Variants in ZC3H3 observed in about 807,000 individuals in gnomAD.
ZC3H3 encodes the protein zinc finger CCCH domain-containing protein 3.
A neutral mutation model predicts 77.3 loss-of-function variants in ZC3H3; 36 were observed. The ratio of observed to expected loss-of-function variants is 0.47; its 90% CI spans 0.36 to 0.61. The LOEUF is 0.61. Ranked by LOEUF, ZC3H3 falls within the 20% of genes least tolerant of loss-of-function variation. The probability of loss-of-function intolerance (pLI) is 0.00; values close to 1 mark genes in which losing one functional copy is unlikely to be tolerated. For missense variants in ZC3H3, 1,331 were observed against 1,312.2 expected, an observed-to-expected ratio of 1.01 and a Z score of -0.22; for synonymous variants, 626 against 555.2, an observed-to-expected ratio of 1.13 and a Z score of -1.79.
chr8:143,537,958 C>A (rs773536537), intron 2 of ZC3H3, 45 bp downstream of exon 2: 31 of 1,524,306 alleles, frequency 2.0e-5, no homozygotes, highest in Non-Finnish European at 2.7e-5. Context: ...AACAAACCCT[C>A]CTCACAGCCC....
chr8:143,528,764 C>T (rs968326796), intron 3 of ZC3H3, among the ~76,000 whole-genome samples: 2 of 152,230 alleles, frequency 1.3e-5, no homozygotes, highest in African/African-American at 4.8e-5. Flanking sequence ...CCCACCTTCC[C>T]GCCCATGGCC....
Position 143,536,285 on chromosome 8 carries a change from C to A in ZC3H3, c.1533G>T (p.Pro511=). 6.2e-7 allele frequency: 1 copy of A among 1,611,730 alleles called. No individual in the cohort carries two copies. The change falls in exon 3 of 12, where the codon CCG becomes CCT. Residue 511 remains proline (P), a synonymous_variant. Transcript: ENST00000262577. ...VTTHRLCRLP[P]SRAHLPTKEA... ...CCTTGGTGGGGAGGTGGGCCCGGCT[C>A]GGTGGCAGGCGACATAGTCGGTGCG...
intron 4 of ZC3H3, among the ~76,000 whole-genome samples, chr8:143,503,690 C>T (rs1445556437): frequency 2.7e-5 from 4 of 146,206 alleles, no homozygotes; most frequent in African/African-American, 1.0e-4. Context: ...TCTCCACCAC[C>T]ACCTCCCCCA....
chr8:143,440,325 G>A lies in ZC3H3; in HGVS notation c.2531C>T (p.Pro844Leu). ...SASQRPTRQTPSSAALTAAAV... is the reference protein window; with the variant it reads ...SASQRPTRQTLSSAALTAAAV... The stretch of plus-strand genomic sequence containing the variant: ...AGCCGCAGTGAGGGCAGCCGAGCTG[G>A]GCGTCTGCCTGGTGGGGCGCTGGGA... The change falls in exon 11 of 12, where the codon CCC becomes CTC. Residue 844 changes from proline (P) to leucine (L), a missense_variant. Pro to Leu is a moderately conservative substitution (Grantham distance 98). This residue lies in a region of ZC3H3 where 249 missense variants were observed against 236.9 expected (regional missense o/e 1.05). Transcript: ENST00000262577. The A allele has an allele frequency of 6.5e-7, 1 of 1,546,802 alleles. No homozygotes were observed. The highest frequency in any genetic ancestry group is 8.7e-7 in the Non-Finnish European group (1 of 1,143,652).
chr8:143,442,767 C>T (rs1374379453), intron 9 of ZC3H3, among the ~76,000 whole-genome samples: 2 of 152,186 alleles, frequency 1.3e-5, no homozygotes, highest in East Asian at 1.9e-4. Flanking sequence ...ATGTAAAATG[C>T]ACATTTCTTT....
intron 9 of ZC3H3, among the ~76,000 whole-genome samples, chr8:143,454,546 C>CA (rs1000819997): frequency 1.3e-5 from 2 of 151,940 alleles, no homozygotes; most frequent in Admixed American, 1.3e-4. Flanking sequence ...GCTGGGACTA[C>CA]AGGCGCCTGC....
Position 143,538,176 on chromosome 8 carries a change from C to T in ZC3H3, c.1191G>A (p.Glu397=), listed in dbSNP as rs764956868. The change falls in exon 2 of 12, where the codon GAG becomes GAA. Residue 397 remains glutamate (E), a synonymous_variant. Coordinates refer to ENST00000262577, the MANE Select transcript of ZC3H3 (RefSeq NM_015117.3). ...GGGAGGCATGGTCCTTGCTGCTGGCCTCCGACTGCCAACGGAAGGAGGAAG... is the reference window on the plus strand; with the variant it reads ...GGGAGGCATGGTCCTTGCTGCTGGCTTCCGACTGCCAACGGAAGGAGGAAG... ...SSSSSFRWQS[E]ASSKDHASQL... The T allele has an allele frequency of 2.5e-6, 4 of 1,612,916 alleles. No individual in the cohort carries two copies. The African/African-American group carries it at 5.3e-5, about 22-fold the overall frequency.
At chr8:143,532,663 A>G (rs1274213239) in intron 3 of ZC3H3, among the ~76,000 whole-genome samples, 1 of 152,236 alleles carries the variant, frequency 6.6e-6, no homozygotes, top group East Asian at 1.9e-4. Context: ...TGCAGCGTTC[A>G]ACGAAACAAA....
Position 143,537,779 on chromosome 8 carries a change from C to T in ZC3H3, c.1364+224G>A, listed in dbSNP as rs572659168. 1.7e-3 allele frequency among the ~76,000 whole-genome samples: 265 copies of T among 152,342 alleles called. 1 individual carries two copies. Among genetic ancestry groups the T allele is most frequent in the African/African-American group, 6.0e-3 (250 of 41,572 alleles). ...CCGGCAGGAGAAAGGATGGGCTTGC[C>T]AGCAGTGTGAGGGACGGGAAACCTG... On this transcript the variant is annotated intron_variant, in intron 2 of 11. Transcript: ENST00000262577.
At chr8:143,508,001 G>A (rs1024660227) in intron 3 of ZC3H3, 102 bp from the exon 4 acceptor site, 19 of 1,325,880 alleles carry the variant, frequency 1.4e-5, no homozygotes, top group African/African-American at 7.5e-5. Flanking sequence ...CGCCTCCGCC[G>A]GAGCTTGAAG....
intron 4 of ZC3H3, among the ~76,000 whole-genome samples, chr8:143,502,509 C>T (rs1317451672): frequency 6.6e-6 from 1 of 152,224 alleles, no homozygotes; most frequent in African/African-American, 2.4e-5. Context: ...CGCACAGACA[C>T]AAACTAAAAT....
Position 143,516,112 on chromosome 8 carries a change from C to A in ZC3H3, c.1562-8213G>T, listed in dbSNP as rs560166275. Reference sequence around the variant, plus strand: ...TTCTCTAAATGAGCCGCAATGGCAACCGAGGCAGGGGGCGGCTGGTGAGTG... The same window carrying A: ...TTCTCTAAATGAGCCGCAATGGCAAACGAGGCAGGGGGCGGCTGGTGAGTG... On this transcript the variant is annotated intron_variant, in intron 3 of 11. Coordinates refer to ENST00000262577, the MANE Select transcript of ZC3H3 (RefSeq NM_015117.3). 2.0e-5 allele frequency among the ~76,000 whole-genome samples: 3 copies of A among 152,342 alleles called. No individual in the cohort carries two copies. The South Asian group carries it at 6.2e-4, about 32-fold the overall frequency.
intron 8 of ZC3H3, among the ~76,000 whole-genome samples, chr8:143,467,029 G>C (rs1340999613): frequency 6.6e-6 from 1 of 152,208 alleles, no homozygotes; most frequent in East Asian, 1.9e-4. Context: ...GGAGGGAGAA[G>C]GCAAAGAAAC....
At chr8:143,461,480 C>G (rs1174351956) in intron 9 of ZC3H3, among the ~76,000 whole-genome samples, 1 of 152,176 alleles carries the variant, frequency 6.6e-6, no homozygotes, top group African/African-American at 2.4e-5. Context: ...TGCAGTGACC[C>G]TATGGCCCTG....
At chr8:143,539,739 G>C (rs1407549621) in intron 1 of ZC3H3, among the ~76,000 whole-genome samples, 4 of 152,232 alleles carry the variant, frequency 2.6e-5, no homozygotes, top group Non-Finnish European at 5.9e-5. Flanking sequence ...GCCTACAGAT[G>C]GAAAGGAGTC....
intron 9 of ZC3H3, among the ~76,000 whole-genome samples, chr8:143,465,063 A>G (rs969165763): frequency 6.6e-6 from 1 of 152,064 alleles, no homozygotes; most frequent in Non-Finnish European, 1.5e-5. Flanking sequence ...GGAACTTCCC[A>G]GACAGGTGAG....
At position 143,462,877 on chromosome 8, in the gene ZC3H3, C is replaced by T. The variant is rs1266116517; in HGVS notation, c.2307+2840G>A. Among the ~76,000 whole-genome samples, 2 of 152,326 alleles carry T rather than the reference C, an allele frequency of 1.3e-5. No individual in the cohort carries two copies. Among genetic ancestry groups the T allele is most frequent in the African/African-American group, 2.4e-5 (1 of 41,570 alleles). On this transcript the variant is annotated intron_variant, in intron 9 of 11. Coordinates refer to ENST00000262577, the MANE Select transcript of ZC3H3 (RefSeq NM_015117.3). The surrounding 1 kb of genome is among the most constrained non-coding windows in gnomAD (Gnocchi z 4.7). Reference sequence around the variant, plus strand: ...CAACACCCTAGCTGCAACAAGCACACGCAGCGCCCAGACCCTGAGTCCTAA... The same window carrying T: ...CAACACCCTAGCTGCAACAAGCACATGCAGCGCCCAGACCCTGAGTCCTAA...
chr8:143,533,422 A>G lies in ZC3H3; in HGVS notation c.1561+2835T>C, dbSNP rs1474264808. On this transcript the variant is annotated intron_variant, in intron 3 of 11. Coordinates refer to ENST00000262577, the MANE Select transcript of ZC3H3 (RefSeq NM_015117.3). The surrounding 1 kb of genome is among the most constrained non-coding windows in gnomAD (Gnocchi z 4.0). Reference sequence around the variant, plus strand: ...GCTCTCCCCCTGCCTGTTCCTCAGAAGGCATTTTCCACCCAGGAGCACCTT... The same window carrying G: ...GCTCTCCCCCTGCCTGTTCCTCAGAGGGCATTTTCCACCCAGGAGCACCTT... Among the ~76,000 whole-genome samples, 2 of 152,122 alleles carry G rather than the reference A, an allele frequency of 1.3e-5. No individual in the cohort carries two copies. The highest frequency in any genetic ancestry group is 2.9e-5 in the Non-Finnish European group (2 of 68,028).
At chr8:143,514,477 A>T (rs1821969251) in intron 3 of ZC3H3, among the ~76,000 whole-genome samples, 1 of 152,192 alleles carries the variant, frequency 6.6e-6, no homozygotes. Context: ...AGGACACACA[A>T]GTGCACTCAG....
Sources: gnomAD v4.1 joint callset for allele counts (sites outside exome capture counted in the v4.1 genomes callset) on GRCh38, gnomAD v4.1.1 for gene constraint, gnomAD v4.1.1 regional missense constraint, Gnocchi (gnomAD v3.1) non-coding constraint, MANE v1.5 for transcripts, NCBI Gene and HGNC (gene_info 2026-07-23, HGNC 2026-07-21) for gene names.